The following GRIP1 variants were observed in gnomAD, a reference collection of about 807,000 sequenced individuals.
The protein encoded by GRIP1 is glutamate receptor interacting protein 1.
GRIP1 carries 45 observed loss-of-function variants against 129.9 expected under a neutral mutation model. That is an observed-to-expected ratio of 0.35 (90% CI 0.27 to 0.44). GRIP1 has a LOEUF of 0.44. Ranked by LOEUF, GRIP1 falls within the 20% of genes least tolerant of loss-of-function variation. GRIP1 has a pLI of 1.00. For missense variants in GRIP1, 1,196 were observed against 1,396.8 expected (o/e 0.86, Z 2.29); for synonymous variants, 530 against 520.8 (o/e 1.02, Z -0.24).
intron 1 of GRIP1, among the ~76,000 whole-genome samples, chr12:66,663,316 G>C (rs1044636800): frequency 6.6e-6 from 1 of 152,072 alleles, no homozygotes; most frequent in Non-Finnish European, 1.5e-5. Flanking sequence ...CATCTATATG[G>C]GGGGAAGGTA....
At chr12:66,545,093 C>T (rs2061907986) in intron 2 of GRIP1, among the ~76,000 whole-genome samples, 1 of 152,048 alleles carries the variant, frequency 6.6e-6, no homozygotes, top group African/African-American at 2.4e-5. Context: ...GCAGCACAGG[C>T]AACAGATGAT....
intron 1 of GRIP1, among the ~76,000 whole-genome samples, chr12:66,755,743 CA>C (rs2037268624): frequency 6.6e-6 from 1 of 152,174 alleles, no homozygotes; most frequent in South Asian, 2.1e-4. Context: ...CTGGAGAGGC[CA>C]ATGCAACCTG....
At chr12:66,613,874 T>C (rs2064923813) in intron 1 of GRIP1, among the ~76,000 whole-genome samples, 1 of 152,202 alleles carries the variant, frequency 6.6e-6, no homozygotes, top group Admixed American at 6.5e-5. Context: ...AACACAGTAT[T>C]AGGTACCATC....
chr12:66,562,000 G>C (rs1040182561), intron 2 of GRIP1, among the ~76,000 whole-genome samples: 4 of 151,914 alleles, frequency 2.6e-5, no homozygotes, highest in Admixed American at 6.6e-5. Context: ...TGGGGGATGT[G>C]GGGGTGTTGA....
chr12:66,575,991 A>G (rs2139552203), intron 2 of GRIP1, among the ~76,000 whole-genome samples: 1 of 152,354 alleles, frequency 6.6e-6, no homozygotes, highest in East Asian at 1.9e-4. Context: ...AATAATGTAT[A>G]AACATGACTA....
At position 66,784,977 on chromosome 12, in the gene GRIP1, A is replaced by T. The variant is rs200475262; in HGVS notation, c.-420+19076T>A. ...TCTGACCAGCCCAGAGTACAGTAGG[A>T]CTACCACTACCTTCCGTGTTCTGGC... On this transcript the variant is annotated intron_variant, in intron 1 of 4. Coordinates refer to the GRIP1 transcript ENST00000538373. 1.4e-4 allele frequency among the ~76,000 whole-genome samples: 22 copies of T among 152,220 alleles called. No homozygotes were observed. The East Asian group carries it at 3.5e-3, about 24-fold the overall frequency.
intron 1 of GRIP1, among the ~76,000 whole-genome samples, chr12:67,013,334 C>A (rs917063885): frequency 1.8e-4 from 28 of 152,110 alleles, no homozygotes; most frequent in African/African-American, 6.5e-4. Context: ...TCTATCTTTT[C>A]TGTTTTTTAA....
At chr12:66,625,779 GAGA>G (rs1237352134) in intron 1 of GRIP1, among the ~76,000 whole-genome samples, 3 of 152,156 alleles carry the variant, frequency 2.0e-5, no homozygotes, top group Admixed American at 6.5e-5. Context: ...TTCCTTAGAT[GAGA>G]AGTTTGATAA....
chr12:66,395,490 CTTGAG>C (rs112619600), intron 16 of GRIP1, among the ~76,000 whole-genome samples: 358 of 152,278 alleles, frequency 2.4e-3, no homozygotes, highest in African/African-American at 7.6e-3. Context: ...AAAACCAAAG[CTTGAG>C]TTAACAATTC....
At chr12:66,389,051 G>A (rs1261922385) in intron 19 of GRIP1, among the ~76,000 whole-genome samples, 1 of 152,124 alleles carries the variant, frequency 6.6e-6, no homozygotes, top group African/African-American at 2.4e-5. Context: ...GGAGTCTCCT[G>A]GGAACAAGGC....
intron 2 of GRIP1, among the ~76,000 whole-genome samples, chr12:66,596,085 C>T (rs532209147): frequency 6.6e-6 from 1 of 152,288 alleles, no homozygotes; most frequent in African/African-American, 2.4e-5. Context: ...CATCATTTTA[C>T]ATAAACGTTT....
intron 23 of GRIP1, among the ~76,000 whole-genome samples, chr12:66,356,407 C>T (rs2054489834): frequency 6.6e-6 from 1 of 152,146 alleles, no homozygotes. Context: ...TTGCCTAGCA[C>T]ACAGTTGTTT....
intron 2 of GRIP1, among the ~76,000 whole-genome samples, chr12:66,578,922 C>A (rs1399257858): frequency 2.0e-5 from 3 of 152,280 alleles, no homozygotes; most frequent in Non-Finnish European, 2.9e-5. Context: ...TCCCAGCACG[C>A]AGCTGGAGAT....
At chr12:66,365,381 G>A (rs1174646005) in intron 23 of GRIP1, among the ~76,000 whole-genome samples, 7 of 152,212 alleles carry the variant, frequency 4.6e-5, no homozygotes, top group Non-Finnish European at 1.0e-4. Flanking sequence ...AGGTTGCAGT[G>A]AGCCAAGATC....
chr12:66,431,269 G>T (rs1163522193), intron 14 of GRIP1, among the ~76,000 whole-genome samples: 1 of 152,114 alleles, frequency 6.6e-6, no homozygotes, highest in African/African-American at 2.4e-5. Flanking sequence ...AGGAATAAAT[G>T]ACTTTAGGAG....
chr12:66,449,381 C>T (rs1267963965), intron 11 of GRIP1, among the ~76,000 whole-genome samples: 1 of 152,062 alleles, frequency 6.6e-6, no homozygotes, highest in Admixed American at 6.5e-5. Flanking sequence ...TCTTCAGGGC[C>T]CAGGTAATTG....
intron 1 of GRIP1, among the ~76,000 whole-genome samples, chr12:66,979,740 A>G (rs1470951956): frequency 6.6e-6 from 1 of 152,186 alleles, no homozygotes; most frequent in Non-Finnish European, 1.5e-5. Flanking sequence ...GGTGTCCTTA[A>G]AAAAGGAAAA....
At chr12:66,658,220 C>A (rs547254264) in intron 1 of GRIP1, among the ~76,000 whole-genome samples, 1 of 152,238 alleles carries the variant, frequency 6.6e-6, no homozygotes, top group South Asian at 2.1e-4. Flanking sequence ...AAATGATACA[C>A]AAGATTTTTG....
At chr12:66,547,639 CAG>C (rs752873991) in intron 2 of GRIP1, among the ~76,000 whole-genome samples, 25 of 152,188 alleles carry the variant, frequency 1.6e-4, no homozygotes, top group Non-Finnish European at 2.9e-4. Context: ...GATCAATTAC[CAG>C]AGAACTATGC....
Sources: allele counts gnomAD v4.1 joint callset (sites outside exome capture counted in the v4.1 genomes callset), GRCh38; gene constraint gnomAD v4.1.1; transcripts MANE v1.5; gene names NCBI Gene and HGNC (gene_info 2026-07-23, HGNC 2026-07-21).